MDM2: variants seen among roughly 807,000 people sequenced by gnomAD.
MDM2 encodes the protein MDM2 proto-oncogene.
Under a neutral mutation model 64.3 loss-of-function variants are expected in MDM2, and 11 were observed. That is an observed-to-expected ratio of 0.17 (90% CI 0.11 to 0.28). MDM2 has a LOEUF of 0.28. MDM2 is among the 10% of genes least tolerant of loss of function. The probability of loss-of-function intolerance (pLI) is 1.00; values close to 1 mark genes in which losing one functional copy is unlikely to be tolerated. For missense variants in MDM2, 388 were observed against 577.1 expected (o/e 0.67, Z 3.36); for synonymous variants, 194 against 192.9 (o/e 1.01, Z -0.05).
intron 2 of MDM2, 73 bp downstream of exon 2, chr12:68,809,365 C>T (rs921126012): frequency 6.9e-5 from 91 of 1,313,544 alleles, no homozygotes; most frequent in Non-Finnish European, 9.5e-5. Context: ...TTTCGTATAC[C>T]TCAATTGTAG....
At chr12:68,831,334 G>A (rs1882778398) in intron 8 of MDM2, among the ~76,000 whole-genome samples, 1 of 152,194 alleles carries the variant, frequency 6.6e-6, no homozygotes, top group Non-Finnish European at 1.5e-5. Flanking sequence ...TGTGACGGCT[G>A]GAGGGGGTGG....
In MDM2 at chr12:68,842,928, G is replaced by C. The variant is rs1228820874; in HGVS notation, c.*3079G>C. On this transcript the variant is annotated 3_prime_UTR_variant, in exon 11 of 11. Coordinates refer to ENST00000258149, the MANE Select transcript of MDM2 (RefSeq NM_002392.6). ...TGTTCTGACAGATAGTTGGGGATGA[G>C]AGCCGAATAAGGTTTGCCTGAAATA... 4.8e-6 allele frequency: 1 copy of C among 209,660 alleles called. No homozygotes were observed. The highest frequency in any genetic ancestry group is 9.7e-6 in the Non-Finnish European group (1 of 103,188). The allele number at this position is 209,660 out of a possible 1,614,324, so 13.0% of individuals were successfully genotyped here. A position where few individuals can be genotyped will look rare whatever the true frequency, so the allele number is the denominator to read the frequency against.
At chr12:68,824,202 AC>A in intron 5 of MDM2, 160 bp from the exon 6 acceptor site, 1 of 578,978 alleles carries the variant, frequency 1.7e-6, no homozygotes, top group Non-Finnish European at 3.1e-6. Context: ...TACATCTGCA[AC>A]ATTTAGTATG....
intron 5 of MDM2, among the ~76,000 whole-genome samples, chr12:68,820,660 T>A (rs1376963859): frequency 6.6e-6 from 1 of 152,236 alleles, no homozygotes; most frequent in Admixed American, 6.5e-5. Flanking sequence ...TTAGGAGTGA[T>A]CTACCTTGAA....
intron 8 of MDM2, among the ~76,000 whole-genome samples, chr12:68,835,048 A>G (rs1883195776): frequency 6.6e-6 from 1 of 152,156 alleles, no homozygotes; most frequent in African/African-American, 2.4e-5. Context: ...ATGACTCGAG[A>G]CATTTTTCTA....
chr12:68,831,843 G>A (rs1223691993), intron 8 of MDM2, among the ~76,000 whole-genome samples: 7 of 152,106 alleles, frequency 4.6e-5, no homozygotes, highest in African/African-American at 7.2e-5. Flanking sequence ...CCAGGCGGGC[G>A]GATCACCTGA....
chr12:68,839,957 C>A lies in MDM2; in HGVS notation c.*108C>A. Reference sequence around the variant, plus strand: ...CAAAGTGAGAAAATGCCTCAATTCACATAGATTTCTTCTCTTTAGTATAAT... The same window carrying A: ...CAAAGTGAGAAAATGCCTCAATTCAAATAGATTTCTTCTCTTTAGTATAAT... On this transcript the variant is annotated 3_prime_UTR_variant, in exon 11 of 11. Coordinates refer to ENST00000258149, the MANE Select transcript of MDM2 (RefSeq NM_002392.6). 1 of 986,562 alleles carries A rather than the reference C, an allele frequency of 1.0e-6. No homozygotes were observed. The highest frequency in any genetic ancestry group is 2.6e-5 in the East Asian group (1 of 38,104). 61.1% of individuals were successfully genotyped at this position (986,562 alleles called of 1,614,324 possible).
intron 10 of MDM2, among the ~76,000 whole-genome samples, chr12:68,839,057 C>T (rs1429260704): frequency 6.6e-6 from 1 of 151,892 alleles, no homozygotes; most frequent in Non-Finnish European, 1.5e-5. Flanking sequence ...GGTTAAAATA[C>T]CTAAAATCTA....
In MDM2 at chr12:68,828,815, C is replaced by T. The variant is rs748134261; in HGVS notation, c.568C>T (p.His190Tyr). ...ELSGERQRKR[H>Y]KSDSISLSFD... ...ATCTGGTGAACGACAAAGAAAACGC[C>T]ACAAATCTGATAGTATTTCCCTTTC... is the stretch of plus-strand genomic sequence containing the variant. Residue 190 changes from histidine to tyrosine, a missense_variant, in exon 8 of 11, where the codon CAC becomes TAC. This residue lies in a region of MDM2 where 168 missense variants were observed against 236.6 expected (regional missense o/e 0.71). Coordinates refer to ENST00000258149, the MANE Select transcript of MDM2 (RefSeq NM_002392.6). 3.1e-6 allele frequency: 5 copies of T among 1,613,686 alleles called. No homozygotes were observed. Among genetic ancestry groups the T allele is most frequent in the African/African-American group, 1.3e-5 (1 of 74,846 alleles).
chr12:68,828,704 G>A (rs1226116241), intron 7 of MDM2, 67 bp from the exon 8 acceptor site: 1 of 1,381,888 alleles, frequency 7.2e-7, no homozygotes, highest in Admixed American at 2.0e-5. Flanking sequence ...GTACAAATAG[G>A]TACTCAAAAC....
intron 7 of MDM2, among the ~76,000 whole-genome samples, chr12:68,826,648 T>A (rs1695161): frequency 0.1 from 13,327 of 128,822 alleles, 2,399 homozygotes; most frequent in African/African-American, 0.33. Flanking sequence ...GACTCCCTCT[T>A]AAAAAAAAAA....
intron 2 of MDM2, among the ~76,000 whole-genome samples, chr12:68,810,027 A>G (rs1430735801): frequency 6.6e-6 from 1 of 152,178 alleles, no homozygotes; most frequent in Non-Finnish European, 1.5e-5. Context: ...TTATAGAATT[A>G]TAGGCTGGCC....
intron 4 of MDM2, among the ~76,000 whole-genome samples, chr12:68,818,933 T>G (rs1448142288): frequency 6.6e-6 from 1 of 152,074 alleles, no homozygotes; most frequent in Non-Finnish European, 1.5e-5. Context: ...GGTTTTGCCA[T>G]GTTGGCCAGG....
rs1883917829 is a variant in MDM2, at chr12:68,842,951, A to C, written c.*3102A>C. 1 of 210,718 alleles carries C rather than the reference A, an allele frequency of 4.7e-6. No individual in the cohort carries two copies. Among genetic ancestry groups the C allele is most frequent in the Non-Finnish European group, 9.6e-6 (1 of 103,850 alleles). The allele number at this position is 210,718 out of a possible 1,614,324, so 13.1% of individuals were successfully genotyped here. A position where few individuals can be genotyped will look rare whatever the true frequency, so the allele number is the denominator to read the frequency against. ...GAGAGCCGAATAAGGTTTGCCTGAA[A>C]TAACTGACACTATATAATTTCTGCT... On this transcript the variant is annotated 3_prime_UTR_variant, in exon 11 of 11. Coordinates refer to ENST00000258149, the MANE Select transcript of MDM2 (RefSeq NM_002392.6).
At position 68,844,519 on chromosome 12, in the gene MDM2, G is replaced by A; in HGVS notation, c.*4670G>A. On this transcript the variant is annotated 3_prime_UTR_variant, in exon 11 of 11. Transcript: ENST00000258149. ...AGCTGGGACAGGGAGGGGAGTTTGGGCTAGCCACCGTACCACTTGTCAGCG... is the reference window on the plus strand; with the variant it reads ...AGCTGGGACAGGGAGGGGAGTTTGGACTAGCCACCGTACCACTTGTCAGCG... 4.4e-6 allele frequency: 1 copy of A among 228,890 alleles called. No individual in the cohort carries two copies. The highest frequency in any genetic ancestry group is 8.7e-6 in the Non-Finnish European group (1 of 115,320). 14.2% of individuals were successfully genotyped at this position (228,890 alleles called of 1,614,324 possible). A position where few individuals can be genotyped will look rare whatever the true frequency, so the allele number is the denominator to read the frequency against.
In MDM2 at chr12:68,840,858, T is replaced by C. The variant is rs1883710996; in HGVS notation, c.*1009T>C. The C allele has an allele frequency of 6.7e-6, 1 of 149,916 alleles. No homozygotes were observed. The highest frequency in any genetic ancestry group is 2.6e-5 in the African/African-American group (1 of 38,290). 9.3% of individuals were successfully genotyped at this position (149,916 alleles called of 1,614,324 possible). A position where few individuals can be genotyped will look rare whatever the true frequency, so the allele number is the denominator to read the frequency against. On this transcript the variant is annotated 3_prime_UTR_variant, in exon 11 of 11. Coordinates refer to ENST00000258149, the MANE Select transcript of MDM2 (RefSeq NM_002392.6). ...CTCTTTTTTTTTTTTTTTTTTTTTT[T>C]TTTTGAGACAGAGTCTTGCTCCATC...
Position 68,841,980 on chromosome 12 carries a change from T to G in MDM2, c.*2131T>G. The G allele has an allele frequency of 2.6e-6, 1 of 389,300 alleles. No homozygotes were observed. Among genetic ancestry groups the G allele is most frequent in the Non-Finnish European group, 4.9e-6 (1 of 202,636 alleles). The allele number at this position is 389,300 out of a possible 1,614,324, so 24.1% of individuals were successfully genotyped here. On this transcript the variant is annotated 3_prime_UTR_variant, in exon 11 of 11. Coordinates refer to ENST00000258149, the MANE Select transcript of MDM2 (RefSeq NM_002392.6). ...TACCCTGACCACATCATGATGTTCA[T>G]CTGCAGCTGTTGCAAGGTGTTCAGA...
In MDM2 at chr12:68,828,829, T is replaced by A; in HGVS notation, c.582T>A (p.Ser194Arg). The A allele has an allele frequency of 6.2e-7, 1 of 1,614,114 alleles. No homozygotes were observed. The highest frequency in any genetic ancestry group is 8.5e-7 in the Non-Finnish European group (1 of 1,179,998). Residue 194 changes from serine (S) to arginine (R), a missense_variant, in exon 8 of 11, where the codon AGT becomes AGA. By Grantham distance (110) the Ser-to-Arg change is moderately radical. Around this residue, in one of 5 missense-constraint regions of MDM2, gnomAD observed 168 missense variants for 236.6 expected, o/e 0.71. Coordinates refer to ENST00000258149, the MANE Select transcript of MDM2 (RefSeq NM_002392.6). The stretch of plus-strand genomic sequence containing the variant: ...AAAGAAAACGCCACAAATCTGATAG[T>A]ATTTCCCTTTCCTTTGATGAAAGCC... ...ERQRKRHKSDSISLSFDESLA... is the reference protein window; with the variant it reads ...ERQRKRHKSDRISLSFDESLA...
chr12:68,813,601 A>G lies in MDM2; in HGVS notation c.147A>G (p.Ala49=), dbSNP rs376784402. The G allele has an allele frequency of 1.2e-6, 2 of 1,613,458 alleles. No individual in the cohort carries two copies. Among genetic ancestry groups the G allele is most frequent in the Non-Finnish European group, 1.7e-6 (2 of 1,179,590 alleles). ...LLLKLLKSVG[A]QKDTYTMKEV... Reference sequence around the variant, plus strand: ...TGAAGTTATTAAAGTCTGTTGGTGCACAAAAAGACACTTATACTATGAAAG... The same window carrying G: ...TGAAGTTATTAAAGTCTGTTGGTGCGCAAAAAGACACTTATACTATGAAAG... The change falls in exon 3 of 11, where the codon GCA becomes GCG. Residue 49 remains alanine (A), a synonymous_variant. Coordinates refer to ENST00000258149, the MANE Select transcript of MDM2 (RefSeq NM_002392.6).
Sources: allele counts gnomAD v4.1 joint callset (sites outside exome capture counted in the v4.1 genomes callset), GRCh38; gene constraint gnomAD v4.1.1; regional missense constraint gnomAD v4.1.1; transcripts MANE v1.5; gene names NCBI Gene and HGNC (gene_info 2026-07-23, HGNC 2026-07-21).